Variants in PIGZ observed in about 807,000 individuals in gnomAD.
The protein encoded by PIGZ is phosphatidylinositol glycan anchor biosynthesis class Z (Gwada blood group), also known as GPI alpha-1,2-mannosyltransferase 4.
A neutral mutation model predicts 16.4 loss-of-function variants in PIGZ; 16 were observed. That is an observed-to-expected ratio of 0.97 (90% CI 0.66 to 1.48). PIGZ has a LOEUF of 1.48. Among genes scored for constraint, PIGZ ranks in the 40% most tolerant of loss-of-function variants. The pLI, the probability that PIGZ is intolerant of heterozygous loss-of-function variation, is 0.00. For synonymous variants in PIGZ, 409 were observed against 338.4 expected, an observed-to-expected ratio of 1.21 and a Z score of -2.29; for missense variants, 770 against 739.2, an observed-to-expected ratio of 1.04 and a Z score of -0.48.
intron 1 of PIGZ, among the ~76,000 whole-genome samples, chr3:196,956,454 C>T (rs1717493124): frequency 6.6e-6 from 1 of 152,188 alleles, no homozygotes; most frequent in South Asian, 2.1e-4. Flanking sequence ...CTCGTGAGAC[C>T]TATTCACTAC....
At chr3:196,956,374 A>G (rs562291353) in intron 1 of PIGZ, among the ~76,000 whole-genome samples, 3 of 152,302 alleles carry the variant, frequency 2.0e-5, no homozygotes, top group African/African-American at 7.2e-5. Context: ...AGCGAATGAG[A>G]AGCAAACGAA....
intron 1 of PIGZ, among the ~76,000 whole-genome samples, chr3:196,967,604 G>A (rs1260076346): frequency 6.6e-6 from 1 of 152,182 alleles, no homozygotes; most frequent in Non-Finnish European, 1.5e-5. Flanking sequence ...GGTACAAGGT[G>A]AGAGTGGCTC....
rs866532803 is a variant in PIGZ, at chr3:196,948,891, C to T, written c.212-206G>A. 4.3e-3 allele frequency among the ~76,000 whole-genome samples: 226 copies of T among 52,552 alleles called. 42 individuals are homozygous for T. The highest frequency in any genetic ancestry group is 0.024 in the African/African-American group (210 of 8,616). 34.5% of individuals were successfully genotyped at this position (52,552 alleles called of 152,430 possible). ...CCCTTCCTTCCTTCCCTTCCTTCCC[C>T]TTCCTTCCCTTCCCCTCCCCTCCCT... is the stretch of plus-strand genomic sequence containing the variant. On this transcript the variant is annotated intron_variant, in intron 2 of 2. Coordinates refer to ENST00000412723, the MANE Select transcript of PIGZ (RefSeq NM_025163.4).
rs1717030073 is a variant in PIGZ, at chr3:196,948,376, C to T, written c.521G>A (p.Arg174Lys). Residue 174 changes from arginine (R) to lysine (K), a missense_variant, in exon 3 of 3, where the codon AGG becomes AAG. Transcript: ENST00000412723. ...GSYVTLVFYT[R>K]TFSNTIEGLL... is the part of the protein sequence containing the mutation. ...TCCCTCAATGGTGTTGGAGAAGGTC[C>T]TTGTGTAGAAGACCAGGGTGACGTA... is the stretch of plus-strand genomic sequence containing the variant. 1 of 1,614,038 alleles carries T rather than the reference C, an allele frequency of 6.2e-7. No homozygotes were observed. The highest frequency in any genetic ancestry group is 1.3e-5 in the African/African-American group (1 of 74,916).
At chr3:196,960,733 G>GAA (rs1717683465) in intron 1 of PIGZ, among the ~76,000 whole-genome samples, 4 of 93,936 alleles carry the variant, frequency 4.3e-5, no homozygotes, top group Admixed American at 1.1e-4. Context: ...AGAAAAGAAA[G>GAA]AAAGAGAAAG....
intron 1 of PIGZ, among the ~76,000 whole-genome samples, chr3:196,968,172 C>T (rs1718007829): frequency 6.6e-6 from 1 of 152,222 alleles, no homozygotes; most frequent in Non-Finnish European, 1.5e-5. Context: ...TCCTCTTATC[C>T]TGGGAGTGCA....
At chr3:196,957,617 T>G (rs1338063896) in intron 1 of PIGZ, among the ~76,000 whole-genome samples, 1 of 152,150 alleles carries the variant, frequency 6.6e-6, no homozygotes, top group African/African-American at 2.4e-5. Flanking sequence ...CCTGACCTCG[T>G]GATCCGCCGG....
At position 196,953,847 on chromosome 3, in the gene PIGZ, G is replaced by A. The variant is rs114569934; in HGVS notation, c.1-1816C>T. 7.3e-3 allele frequency among the ~76,000 whole-genome samples: 1,079 copies of A among 148,620 alleles called. 12 individuals carry two copies. Among genetic ancestry groups the A allele is most frequent in the African/African-American group, 0.027 (1,031 of 38,292 alleles). ...AGATCCCCATTTCTACGAAAAAATA[G>A]CTGGACACAGTGGTGTGTGCTGGTA... On this transcript the variant is annotated intron_variant, in intron 1 of 2. Coordinates refer to ENST00000412723, the MANE Select transcript of PIGZ (RefSeq NM_025163.4).
rs756808926 is a variant in PIGZ at position 196,951,896 on chromosome 3, C to G, written c.136G>C (p.Val46Leu). 30 of 1,614,082 alleles carry G rather than the reference C, an allele frequency of 1.9e-5. 1 individual carries two copies. In the South Asian group the frequency reaches 3.2e-4, roughly 17 times the overall value. The part of the protein sequence containing the change: ...VLWGGLSLLR[V>L]LWCLLPQTGY... ...GTCTGCGGAAGGAGACACCACAGCACTCGGAGCAGGCTGAGACCACCCCAA... is the reference window on the plus strand; with the variant it reads ...GTCTGCGGAAGGAGACACCACAGCAGTCGGAGCAGGCTGAGACCACCCCAA... The change falls in exon 2 of 3, where the codon GTG (valine) becomes CTG (leucine). Residue 46 changes from valine (V) to leucine (L), a missense_variant. Transcript: ENST00000412723.
At chr3:196,948,886 TTCCCCTTCCTTCCCTTCCCCTCCC>T (rs1717089381) in intron 2 of PIGZ, among the ~76,000 whole-genome samples, 5 of 25,784 alleles carry the variant, frequency 1.9e-4, no homozygotes, top group African/African-American at 1.3e-3. Context: ...CTTCCCTTCC[TTCCCCTTCCTTCCCTTCCCCTCCC>T]CTCCCTTCCC....
intron 1 of PIGZ, among the ~76,000 whole-genome samples, chr3:196,967,690 G>T (rs1717986415): frequency 6.6e-6 from 1 of 152,170 alleles, no homozygotes; most frequent in South Asian, 2.1e-4. Context: ...GCCCTGCAGG[G>T]TGCTCCACCT....
At position 196,965,108 on chromosome 3, in the gene PIGZ, T is replaced by C. The variant is rs1011084895; in HGVS notation, c.-1+3579A>G. Among the ~76,000 whole-genome samples, 2 of 152,210 alleles carry C rather than the reference T, an allele frequency of 1.3e-5. No individual in the cohort carries two copies. Among genetic ancestry groups the C allele is most frequent in the African/African-American group, 4.8e-5 (2 of 41,446 alleles). On this transcript the variant is annotated intron_variant, in intron 1 of 2. Transcript: ENST00000412723. This position sits in a 1 kb window ranked among gnomAD's most constrained non-coding sequence, Gnocchi z 4.2. ...CAATGAGGAAACTACCATGTATTAG[T>C]GTCCCACACTCCTGGTACCAATTTA...
intron 1 of PIGZ, among the ~76,000 whole-genome samples, chr3:196,957,570 C>T (rs1476802450): frequency 2.0e-5 from 3 of 151,910 alleles, no homozygotes; most frequent in Middle Eastern, 3.2e-3. Flanking sequence ...TTAGTAGAGA[C>T]GGGGTTTCAT....
chr3:196,946,974 G>A lies in PIGZ; in HGVS notation c.*183C>T. On this transcript the variant is annotated 3_prime_UTR_variant, in exon 3 of 3. Coordinates refer to ENST00000412723, the MANE Select transcript of PIGZ (RefSeq NM_025163.4). ...CGACAGGTCAAATCTTTGGTCTCAG[G>A]GAGAAGAGTGCCAGCTCACCCAGAA... 1.8e-6 allele frequency: 1 copy of A among 545,806 alleles called. No individual in the cohort carries two copies. The highest frequency in any genetic ancestry group is 4.7e-4 in the Middle Eastern group (1 of 2,108). 33.8% of individuals were successfully genotyped at this position (545,806 alleles called of 1,614,324 possible).
intron 1 of PIGZ, 110 bp from the exon 2 acceptor site, chr3:196,952,141 A>G: frequency 9.7e-7 from 1 of 1,029,096 alleles, no homozygotes; most frequent in East Asian, 2.6e-5. Flanking sequence ...AATAATAATA[A>G]TAGCTACTTC....
chr3:196,968,389 C>T (rs1380084820), intron 1 of PIGZ, among the ~76,000 whole-genome samples: 2 of 152,252 alleles, frequency 1.3e-5, no homozygotes, highest in Non-Finnish European at 2.9e-5. Flanking sequence ...TCAACCTGCG[C>T]CCAGACCCGT....
At chr3:196,954,687 T>A (rs1717413238) in intron 1 of PIGZ, among the ~76,000 whole-genome samples, 1 of 152,250 alleles carries the variant, frequency 6.6e-6, no homozygotes, top group Admixed American at 6.5e-5. Flanking sequence ...TCTAAATTAG[T>A]ATTAACTGTA....
chr3:196,947,862 G>A lies in PIGZ; in HGVS notation c.1035C>T (p.Leu345=), dbSNP rs746891306. ...GGAGGCCCATTTGTGCAGAGGCCTG[G>A]AGGCCGACTTGCAGCCGTTGCCACG... ...QAAWQRLQVG[L]QASAQMGLLR... Residue 345 remains leucine (L), a synonymous_variant, in exon 3 of 3, where the codon CTC becomes CTT. Transcript: ENST00000412723. 3.7e-6 allele frequency: 6 copies of A among 1,613,756 alleles called. No individual in the cohort carries two copies. Among genetic ancestry groups the A allele is most frequent in the African/African-American group, 1.3e-5 (1 of 74,944 alleles).
chr3:196,963,437 C>G (rs1717800159), intron 1 of PIGZ, among the ~76,000 whole-genome samples: 1 of 152,158 alleles, frequency 6.6e-6, no homozygotes, highest in Admixed American at 6.5e-5. Context: ...CGGTTCTAAC[C>G]AACACTTGTT....
Sources: allele counts gnomAD v4.1 joint callset (sites outside exome capture counted in the v4.1 genomes callset), GRCh38; gene constraint gnomAD v4.1.1; non-coding constraint Gnocchi (gnomAD v3.1); transcripts MANE v1.5; gene names NCBI Gene and HGNC (gene_info 2026-07-23, HGNC 2026-07-21).